Variants in PDZD2 observed in about 807,000 individuals in gnomAD.
PDZD2 encodes the protein PDZ domain-containing protein 2.
In PDZD2, 90 loss-of-function variants were observed where a neutral mutation model predicts 220.7. The ratio of observed to expected loss-of-function variants is 0.41; its 90% confidence interval spans 0.34 to 0.49. The LOEUF is 0.49. PDZD2 is among the 20% of genes least tolerant of loss of function. The pLI is 0.28. For missense variants in PDZD2, 3,174 were observed against 3,608.5 expected, an observed-to-expected ratio of 0.88 and a Z score of 3.08; for synonymous variants, 1,375 against 1,450.5, an observed-to-expected ratio of 0.95 and a Z score of 1.18.
At chr5:31,810,067 G>C (rs1271201654) in intron 2 of PDZD2, among the ~76,000 whole-genome samples, 1 of 152,118 alleles carries the variant, frequency 6.6e-6, no homozygotes, top group Admixed American at 6.6e-5. Context: ...AAAGATAAAA[G>C]CATCTTAGTG....
At chr5:31,779,512 T>C (rs1353903792) in intron 1 of PDZD2, among the ~76,000 whole-genome samples, 2 of 150,928 alleles carry the variant, frequency 1.3e-5, no homozygotes, top group Non-Finnish European at 2.9e-5. Flanking sequence ...TAGCTGGGAC[T>C]ACAGGCGCCC....
chr5:31,934,607 TAAA>T (rs5867117), intron 2 of PDZD2, among the ~76,000 whole-genome samples: 2 of 118,078 alleles, frequency 1.7e-5, no homozygotes, highest in African/African-American at 3.3e-5. Context: ...ACCATCTAAT[TAAA>T]AAAAAAAAAA....
chr5:32,058,878 GAGAT>G (rs1213801165), intron 12 of PDZD2, among the ~76,000 whole-genome samples: 1 of 152,134 alleles, frequency 6.6e-6, no homozygotes, highest in African/African-American at 2.4e-5. Context: ...AAACAACCAA[GAGAT>G]TATGTGTTAA....
rs61053713 is a variant in PDZD2 at position 32,068,532 on chromosome 5, T to C, written c.2452-1037T>C. ...TTTGCATTGTGGAGTTAAGTTCTTA[T>C]CTCATCACAGGCTGGCATTAAACTT... On this transcript the variant is annotated intron_variant, in intron 14 of 24. Transcript: ENST00000438447. 8.6e-3 allele frequency among the ~76,000 whole-genome samples: 1,311 copies of C among 152,160 alleles called. 18 individuals carry two copies. Among genetic ancestry groups the C allele is most frequent in the African/African-American group, 0.03 (1,256 of 41,420 alleles).
chr5:31,658,852 C>T (rs1745655428), intron 1 of PDZD2, among the ~76,000 whole-genome samples: 1 of 152,142 alleles, frequency 6.6e-6, no homozygotes, highest in Non-Finnish European at 1.5e-5. Context: ...AATTCCTGAC[C>T]TCGTGATCCG....
At chr5:32,073,563 G>A (rs1322976832) in intron 17 of PDZD2, among the ~76,000 whole-genome samples, 1 of 150,290 alleles carries the variant, frequency 6.7e-6, no homozygotes, top group Non-Finnish European at 1.5e-5. Context: ...TCTTCCAACA[G>A]CACACGTTTG....
At chr5:32,020,852 G>A (rs1754143591) in intron 6 of PDZD2, among the ~76,000 whole-genome samples, 1 of 151,638 alleles carries the variant, frequency 6.6e-6, no homozygotes, top group Non-Finnish European at 1.5e-5. Context: ...CACCATGTTG[G>A]CCAGGCTGGT....
At chr5:31,745,633 A>G (rs1023311817) in intron 1 of PDZD2, among the ~76,000 whole-genome samples, 1 of 152,084 alleles carries the variant, frequency 6.6e-6, no homozygotes, top group Admixed American at 6.5e-5. Flanking sequence ...AAAGCATTCC[A>G]TTAGCCTTTT....
Position 31,650,870 on chromosome 5 carries a change from G to A in PDZD2, c.-361+11433G>A, listed in dbSNP as rs141519246. ...TCTTCCTAGCTGATAAGAGCCCTAG[G>A]GTGAGAGCATGGACTCCATTTTCAG... is the stretch of plus-strand genomic sequence containing the variant. On this transcript the variant is annotated intron_variant, in intron 1 of 24. Coordinates refer to ENST00000438447, the MANE Select transcript of PDZD2 (RefSeq NM_178140.4). Among the ~76,000 whole-genome samples, 246 of 152,240 alleles carry A rather than the reference G, an allele frequency of 1.6e-3. 1 individual carries two copies. The highest frequency in any genetic ancestry group is 0.011 in the East Asian group (56 of 5,166).
At chr5:32,072,361 C>T in intron 17 of PDZD2, 44 bp downstream of exon 17, 1 of 1,480,912 alleles carries the variant, frequency 6.8e-7, no homozygotes, top group South Asian at 1.2e-5. Context: ...GCATTCCAGT[C>T]AGCAGTGACT....
At chr5:31,690,837 T>C (rs185753397) in intron 1 of PDZD2, among the ~76,000 whole-genome samples, 1 of 152,238 alleles carries the variant, frequency 6.6e-6, no homozygotes, top group South Asian at 2.1e-4. Flanking sequence ...TGCAAACATA[T>C]TTTTTTGGGG....
chr5:32,000,301 A>T lies in PDZD2; in HGVS notation c.1254+30A>T. On this transcript the variant is annotated intron_variant, in intron 5 of 24. Transcript: ENST00000438447. The surrounding 1 kb of genome is among the most constrained non-coding windows in gnomAD (Gnocchi z 4.5). ...GTCGTGTTTGTTTTTTGGTACTCGTAATGGTGGCAGTGGTGAGTTGGGGTT... is the reference window on the plus strand; with the variant it reads ...GTCGTGTTTGTTTTTTGGTACTCGTTATGGTGGCAGTGGTGAGTTGGGGTT... 6.2e-7 allele frequency: 1 copy of T among 1,607,892 alleles called. No homozygotes were observed. The highest frequency in any genetic ancestry group is 1.1e-5 in the South Asian group (1 of 88,650).
chr5:32,070,332 A>G (rs1211502592), intron 15 of PDZD2, among the ~76,000 whole-genome samples: 1 of 152,200 alleles, frequency 6.6e-6, no homozygotes, highest in Non-Finnish European at 1.5e-5. Flanking sequence ...TTTGGCAATC[A>G]TGAAATACCC....
intron 24 of PDZD2, among the ~76,000 whole-genome samples, chr5:32,102,097 C>T (rs1744301543): frequency 6.6e-6 from 1 of 152,006 alleles, no homozygotes. Context: ...CACTCTTGAC[C>T]TATAGTGTTA....
intron 1 of PDZD2, among the ~76,000 whole-genome samples, chr5:31,656,483 G>C (rs1319419080): frequency 6.6e-6 from 1 of 152,150 alleles, no homozygotes; most frequent in Non-Finnish European, 1.5e-5. Context: ...TGTGTCCCCA[G>C]CAGCAGTCAG....
intron 2 of PDZD2, among the ~76,000 whole-genome samples, chr5:31,850,660 G>A (rs1018044831): frequency 1.5e-4 from 21 of 136,350 alleles, no homozygotes; most frequent in Non-Finnish European, 2.3e-4. Context: ...TTTTTGAGAC[G>A]GAGTCTTGCT....
At position 31,925,251 on chromosome 5, in the gene PDZD2, G is replaced by A. The variant is rs112058182; in HGVS notation, c.477-57904G>A. 3.4e-3 allele frequency among the ~76,000 whole-genome samples: 521 copies of A among 152,202 alleles called. 4 individuals are homozygous for A. Among genetic ancestry groups the A allele is most frequent in the Non-Finnish European group, 5.5e-3 (372 of 68,024 alleles). ...ATAATAACTAAAACAGCACGGTACT[G>A]GTACGAAAACAGGCACACAAACCAA... On this transcript the variant is annotated intron_variant, in intron 2 of 24. Transcript: ENST00000438447.
At chr5:31,736,032 G>C (rs1041027066) in intron 1 of PDZD2, among the ~76,000 whole-genome samples, 2 of 152,152 alleles carry the variant, frequency 1.3e-5, no homozygotes, top group Admixed American at 1.3e-4. Flanking sequence ...CAGCTGTTAA[G>C]GTGGTCCTAT....
chr5:31,728,656 C>T (rs562063916), intron 1 of PDZD2, among the ~76,000 whole-genome samples: 4 of 152,200 alleles, frequency 2.6e-5, no homozygotes, highest in East Asian at 1.9e-4. Flanking sequence ...TGTTTACCCA[C>T]GGACATTTGT....
Sources: allele counts gnomAD v4.1 joint callset (sites outside exome capture counted in the v4.1 genomes callset), GRCh38; gene constraint gnomAD v4.1.1; non-coding constraint Gnocchi (gnomAD v3.1); transcripts MANE v1.5; gene names NCBI Gene and HGNC (gene_info 2026-07-23, HGNC 2026-07-21).